Variants in DIXDC1 observed in about 807,000 individuals in gnomAD.
The protein encoded by DIXDC1 is dixin.
Under a neutral mutation model 103.1 loss-of-function variants are expected in DIXDC1, and 64 were observed. The observed-to-expected ratio is 0.62, with a 90% CI of 0.51 to 0.76. The LOEUF is 0.76. Among genes scored for constraint, DIXDC1 ranks in the 30% least tolerant of loss-of-function variants. The probability of loss-of-function intolerance (pLI) is 0.00; values close to 1 mark genes in which losing one functional copy is unlikely to be tolerated. For missense variants in DIXDC1, 759 were observed against 834.2 expected, an observed-to-expected ratio of 0.91 and a Z score of 1.11; for synonymous variants, 266 against 298.5, an observed-to-expected ratio of 0.89 and a Z score of 1.12.
chr11:111,974,635 G>A (rs193222149), intron 4 of DIXDC1, among the ~76,000 whole-genome samples: 61 of 152,298 alleles, frequency 4.0e-4, no homozygotes, highest in African/African-American at 1.3e-3. Context: ...GTCATGGCAG[G>A]AAATGCTTTG....
intron 19 of DIXDC1, among the ~76,000 whole-genome samples, chr11:112,018,206 T>G (rs1254064196): frequency 6.6e-6 from 1 of 152,234 alleles, no homozygotes; most frequent in African/African-American, 2.4e-5. Flanking sequence ...CTTAGAAAAC[T>G]TCTTGCTTCC....
At chr11:112,004,945 T>C (rs1861188358) in intron 17 of DIXDC1, among the ~76,000 whole-genome samples, 2 of 152,164 alleles carry the variant, frequency 1.3e-5, no homozygotes, top group South Asian at 2.1e-4. Context: ...TCTTAACATA[T>C]GTCTGGCATT....
upstream of DIXDC1, among the ~76,000 whole-genome samples, chr11:111,936,212 A>G (rs1966181408): frequency 6.6e-6 from 1 of 152,224 alleles, no homozygotes; most frequent in Non-Finnish European, 1.5e-5. Context: ...ATGCTCTGTA[A>G]ACCCTTCCTC....
At chr11:111,996,001 G>A in intron 16 of DIXDC1, 79 bp from the exon 17 acceptor site, 1 of 1,300,250 alleles carries the variant, frequency 7.7e-7, no homozygotes, top group Non-Finnish European at 1.1e-6. Flanking sequence ...AGTATTTTAA[G>A]CACACTTTTA....
chr11:112,016,999 A>G (rs1235856105), intron 18 of DIXDC1, among the ~76,000 whole-genome samples: 3 of 152,114 alleles, frequency 2.0e-5, no homozygotes, highest in Non-Finnish European at 4.4e-5. Flanking sequence ...GTCATGATCT[A>G]CTACTAGATA....
At chr11:112,016,885 G>A in intron 18 of DIXDC1, 89 bp downstream of exon 18, 1 of 1,134,084 alleles carries the variant, frequency 8.8e-7, no homozygotes, top group Non-Finnish European at 1.3e-6. Flanking sequence ...CAGCTGAAAG[G>A]TGTTTGAGAA....
At chr11:111,984,298 C>G (rs1860417478) in intron 7 of DIXDC1, among the ~76,000 whole-genome samples, 1 of 152,170 alleles carries the variant, frequency 6.6e-6, no homozygotes, top group Admixed American at 6.5e-5. Flanking sequence ...GTAACCCCAG[C>G]ACTTTGGGAG....
intron 17 of DIXDC1, among the ~76,000 whole-genome samples, chr11:112,005,977 G>GGGCGTCGCCTCACCCAGGAAGCGCAA (rs1861224523): frequency 1.3e-5 from 2 of 152,166 alleles, no homozygotes; most frequent in African/African-American, 4.8e-5. Flanking sequence ...AAGCAGGGCA[G>GGGCGTCGCCTCACCCAGGAAGCGCAA]GGCGTCGCCT....
upstream of DIXDC1, among the ~76,000 whole-genome samples, chr11:111,934,294 A>G (rs1286840742): frequency 6.6e-6 from 1 of 152,234 alleles, no homozygotes; most frequent in Non-Finnish European, 1.5e-5. Flanking sequence ...TTACTGTTAT[A>G]TATAGATATT....
At chr11:112,008,083 T>C (rs1555176804) in intron 17 of DIXDC1, among the ~76,000 whole-genome samples, 2 of 136,606 alleles carry the variant, frequency 1.5e-5, no homozygotes, top group Admixed American at 1.6e-4. Context: ...GAGACACACA[T>C]AGGCTCAAAT....
At position 111,990,079 on chromosome 11, in the gene DIXDC1, C is replaced by G. The variant is rs587671194; in HGVS notation, c.1113+1024C>G. 2.7e-5 allele frequency among the ~76,000 whole-genome samples: 4 copies of G among 148,586 alleles called. No individual in the cohort carries two copies. The Admixed American group carries it at 2.7e-4, about 10-fold the overall frequency. ...TGCTGGGATTACAGGTGTGAGCCACCGCGCCCGGCCTTTTTTTTTTTTTAA... is the reference window on the plus strand; with the variant it reads ...TGCTGGGATTACAGGTGTGAGCCACGGCGCCCGGCCTTTTTTTTTTTTTAA... On this transcript the variant is annotated intron_variant, in intron 10 of 19. Transcript: ENST00000440460.
At chr11:111,948,211 A>G (rs1270966479) in intron 1 of DIXDC1, among the ~76,000 whole-genome samples, 1 of 152,118 alleles carries the variant, frequency 6.6e-6, no homozygotes, top group African/African-American at 2.4e-5. Context: ...AACTTACTCT[A>G]CAGAATTTTC....
upstream of DIXDC1, among the ~76,000 whole-genome samples, chr11:111,934,378 A>T (rs781948422): frequency 6.6e-6 from 1 of 152,246 alleles, no homozygotes; most frequent in Non-Finnish European, 1.5e-5. Context: ...GAAGCCAGGT[A>T]TAAGTTCAGA....
At chr11:111,942,694 A>T (rs921288802) in intron 1 of DIXDC1, among the ~76,000 whole-genome samples, 18 of 152,242 alleles carry the variant, frequency 1.2e-4, no homozygotes, top group African/African-American at 4.3e-4. Context: ...ATTTAAAAAT[A>T]AGTTTAGGAG....
intron 1 of DIXDC1, 93 bp from the exon 2 acceptor site, chr11:111,964,456 A>G: frequency 3.4e-6 from 5 of 1,451,406 alleles, no homozygotes; most frequent in Non-Finnish European, 4.7e-6. Flanking sequence ...GTTGTTTATT[A>G]TACCCCAGTC....
intron 1 of DIXDC1, among the ~76,000 whole-genome samples, chr11:111,949,241 G>C (rs1401397330): frequency 1.3e-5 from 2 of 151,954 alleles, no homozygotes; most frequent in African/African-American, 2.4e-5. Context: ...CAGCTCTTGG[G>C]CTCTAGACCT....
chr11:111,968,433 C>T (rs1859805930), intron 2 of DIXDC1, 80 bp from the exon 3 acceptor site: 1 of 1,464,632 alleles, frequency 6.8e-7, no homozygotes, highest in Non-Finnish European at 9.3e-7. Flanking sequence ...ATCAAATCTT[C>T]CCTTCCTCTG....
chr11:111,978,636 G>A (rs970005267), intron 5 of DIXDC1, among the ~76,000 whole-genome samples: 2 of 152,160 alleles, frequency 1.3e-5, no homozygotes, highest in East Asian at 1.9e-4. Context: ...CTGAGCATGC[G>A]TCTGTGCTTT....
intron 2 of DIXDC1, among the ~76,000 whole-genome samples, chr11:111,967,739 G>T (rs782497005): frequency 6.6e-6 from 1 of 152,206 alleles, no homozygotes; most frequent in Non-Finnish European, 1.5e-5. Flanking sequence ...CACCCTGCCA[G>T]TCAACTTTTA....
Sources: allele counts gnomAD v4.1 joint callset (sites outside exome capture counted in the v4.1 genomes callset), GRCh38; gene constraint gnomAD v4.1.1; transcripts MANE v1.5; gene names NCBI Gene and HGNC (gene_info 2026-07-23, HGNC 2026-07-21).